Variants in SETX observed in about 807,000 individuals in gnomAD.
SETX encodes the protein senataxin, also known as helicase senataxin.
In SETX, 90 loss-of-function variants were observed where a neutral mutation model predicts 227.2. The ratio of observed to expected loss-of-function variants is 0.40; its 90% confidence interval spans 0.33 to 0.47. The LOEUF is 0.47. Ranked by LOEUF, SETX falls within the 20% of genes least tolerant of loss-of-function variation. The pLI is 0.91. For missense variants in SETX, 3,052 were observed against 3,181.5 expected, an observed-to-expected ratio of 0.96 and a Z score of 0.98; for synonymous variants, 1,210 against 1,113.2, an observed-to-expected ratio of 1.09 and a Z score of -1.73.
chr9:132,287,766 C>CAAA (rs34551713), intron 17 of SETX, among the ~76,000 whole-genome samples: 6 of 123,898 alleles, frequency 4.8e-5, no homozygotes, highest in South Asian at 2.5e-4. Context: ...ACCAAAAGGA[C>CAAA]AAAAAAAAAA....
intron 10 of SETX, among the ~76,000 whole-genome samples, chr9:132,325,015 T>A (rs1455313530): frequency 6.6e-6 from 1 of 152,178 alleles, no homozygotes; most frequent in African/African-American, 2.4e-5. Context: ...CAGAATAGGA[T>A]GTGCTGGGGT....
intron 25 of SETX, among the ~76,000 whole-genome samples, chr9:132,267,512 G>A (rs767162921): frequency 4.6e-5 from 7 of 152,162 alleles, no homozygotes; most frequent in Non-Finnish European, 4.4e-5. Context: ...TTCCCATAAG[G>A]GGAACTAGGC....
chr9:132,331,585 T>C lies in SETX; in HGVS notation c.839-137A>G, dbSNP rs1195027208. 5 of 909,914 alleles carry C rather than the reference T, an allele frequency of 5.5e-6. No homozygotes were observed. In the African/African-American group the frequency reaches 6.6e-5, roughly 12 times the overall value. 56.4% of individuals were successfully genotyped at this position (909,914 alleles called of 1,614,324 possible). A position where few individuals can be genotyped will look rare whatever the true frequency, so the allele number is the denominator to read the frequency against. On this transcript the variant is annotated intron_variant, in intron 7 of 25. Transcript: ENST00000224140. ...CCAAGGAGCAAATAATTTAAAGCAG[T>C]GCCGCCACCAGTCCTCAGACACACA...
chr9:132,327,620 A>T lies in SETX; in HGVS notation c.3978T>A (p.Thr1326=). The change falls in exon 10 of 26, where the codon ACT becomes ACA. Residue 1326 remains threonine, a synonymous_variant. Coordinates refer to ENST00000224140, the MANE Select transcript of SETX (RefSeq NM_015046.7). Reference sequence around the variant, plus strand: ...ACAGGTTCTGAGGAGAAATTAATTTAGTCTTTTTTCGGGTATCAACTACTC... The same window carrying T: ...ACAGGTTCTGAGGAGAAATTAATTTTGTCTTTTTTCGGGTATCAACTACTC... ...TVGVVDTRKK[T]KLISPQNLSV... 1.2e-6 allele frequency: 2 copies of T among 1,614,028 alleles called. No homozygotes were observed. Among genetic ancestry groups the T allele is most frequent in the Non-Finnish European group, 1.7e-6 (2 of 1,179,992 alleles).
chr9:132,289,447 A>G (rs939434765), intron 15 of SETX, among the ~76,000 whole-genome samples: 1 of 152,080 alleles, frequency 6.6e-6, no homozygotes, highest in East Asian at 1.9e-4. Flanking sequence ...GAGCCTTTGC[A>G]GCCTCTGATT....
In SETX at chr9:132,329,667, G is replaced by A. The variant is rs1564545894; in HGVS notation, c.1931C>T (p.Thr644Ile). ...DMHCLEASSP[T>I]FSKEPMKVQD... is the part of the protein sequence containing the mutation. ...CACTTTCATTGGTTCTTTAGAAAATGTTGGGCTGGAAGCTTCCAAACAATG... is the reference window on the plus strand; with the variant it reads ...CACTTTCATTGGTTCTTTAGAAAATATTGGGCTGGAAGCTTCCAAACAATG... Residue 644 changes from threonine (T) to isoleucine (I), a missense_variant, in exon 10 of 26, where the codon ACA becomes ATA. By Grantham distance (89) the Thr-to-Ile change is moderately conservative. Transcript: ENST00000224140. 1 of 1,613,680 alleles carries A rather than the reference G, an allele frequency of 6.2e-7. No individual in the cohort carries two copies. Among genetic ancestry groups the A allele is most frequent in the Admixed American group, 1.7e-5 (1 of 59,956 alleles).
chr9:132,291,386 T>C (rs568354472), intron 15 of SETX, among the ~76,000 whole-genome samples: 1 of 152,202 alleles, frequency 6.6e-6, no homozygotes, highest in African/African-American at 2.4e-5. Context: ...CAGGATGGTG[T>C]TGATCTCCTG....
In SETX at chr9:132,264,877, T is replaced by G; in HGVS notation, c.7396A>C (p.Lys2466Gln). The change falls in exon 26 of 26, where the codon AAG (lysine) becomes CAG (glutamine). Residue 2466 changes from lysine (K) to glutamine (Q), a missense_variant. Transcript: ENST00000224140. ...GTGAGACTTCTCTGCAGCACAGGCTTGAGTTTCAGAATCTTCACTGCATCA... is the reference window on the plus strand; with the variant it reads ...GTGAGACTTCTCTGCAGCACAGGCTGGAGTTTCAGAATCTTCACTGCATCA... The part of the protein sequence containing the change: ...RHDAVKILKL[K>Q]PVLQRSLTHP... The G allele has an allele frequency of 3.1e-6, 5 of 1,614,106 alleles. No individual in the cohort carries two copies. Among genetic ancestry groups the G allele is most frequent in the Non-Finnish European group, 3.4e-6 (4 of 1,179,952 alleles).
chr9:132,347,945 A>G (rs1027883685), intron 3 of SETX, among the ~76,000 whole-genome samples: 5 of 152,064 alleles, frequency 3.3e-5, no homozygotes, highest in African/African-American at 1.2e-4. Context: ...TCAAAGCCAA[A>G]TATTTAGAAT....
intron 2 of SETX, among the ~76,000 whole-genome samples, chr9:132,352,561 G>C (rs771189401): frequency 2.6e-5 from 4 of 152,136 alleles, no homozygotes; most frequent in Non-Finnish European, 5.9e-5. Flanking sequence ...GACCATCCTG[G>C]CCAACATGGT....
chr9:132,275,089 A>G, intron 23 of SETX, 167 bp downstream of exon 23: 1 of 680,366 alleles, frequency 1.5e-6, no homozygotes, highest in Non-Finnish European at 2.6e-6. Context: ...TCTACCCAGG[A>G]GCCACACAGC....
chr9:132,289,245 T>A (rs1844134635), intron 15 of SETX, among the ~76,000 whole-genome samples: 2 of 152,298 alleles, frequency 1.3e-5, no homozygotes, highest in Admixed American at 1.3e-4. Flanking sequence ...ATATGCCAGC[T>A]CCTAGTTAGG....
At chr9:132,307,061 C>G (rs545055845) in intron 11 of SETX, among the ~76,000 whole-genome samples, 37 of 152,336 alleles carry the variant, frequency 2.4e-4, no homozygotes, top group African/African-American at 8.7e-4. Context: ...TCAAGACCAG[C>G]CTGGCCAACA....
At position 132,295,895 on chromosome 9, in the gene SETX, C is replaced by T; in HGVS notation, c.6083G>A (p.Cys2028Tyr). 2 of 1,613,782 alleles carry T rather than the reference C, an allele frequency of 1.2e-6. No homozygotes were observed. The highest frequency in any genetic ancestry group is 1.6e-4 in the Middle Eastern group (1 of 6,062). ...ACCTAAAGGATTCTTCTTGTCTTTA[C>T]ATTTTTCTTTGAATTCAAGGATAAT... is the stretch of plus-strand genomic sequence containing the variant. ...KKIILEFKEKCKDKKNPLGNC... is the reference protein window; with the variant it reads ...KKIILEFKEKYKDKKNPLGNC... Residue 2028 changes from cysteine to tyrosine, a missense_variant, in exon 15 of 26, where the codon TGT becomes TAT. Physicochemically the swap from Cys to Tyr is radical, Grantham distance 194 (BLOSUM62 -2). Coordinates refer to ENST00000224140, the MANE Select transcript of SETX (RefSeq NM_015046.7).
intron 15 of SETX, among the ~76,000 whole-genome samples, chr9:132,290,770 C>G (rs13290812): frequency 2.8e-4 from 43 of 152,014 alleles, no homozygotes; most frequent in Non-Finnish European, 5.3e-4. Flanking sequence ...GTGGCCTCCC[C>G]CTGTGGTCCC....
Position 132,327,892 on chromosome 9 carries a change from C to G in SETX, c.3706G>C (p.Val1236Leu). ...TTCTTAGGGGTCTTAGAAACTGGAA[C>G]TTTCCTGATGGGTTCTGTACAAGTA... The part of the protein sequence containing the change: ...LCTCTEPIRK[V>L]PVSKTPKKTH... The change falls in exon 10 of 26, where the codon GTT becomes CTT. Residue 1236 changes from valine (V) to leucine (L), a missense_variant. Coordinates refer to ENST00000224140, the MANE Select transcript of SETX (RefSeq NM_015046.7). The G allele has an allele frequency of 1.2e-6, 2 of 1,614,168 alleles. No homozygotes were observed. Among genetic ancestry groups the G allele is most frequent in the Non-Finnish European group, 1.7e-6 (2 of 1,180,030 alleles).
In SETX at chr9:132,350,496, G is replaced by A. The variant is rs546652966; in HGVS notation, c.-7-1061C>T. 1.3e-4 allele frequency among the ~76,000 whole-genome samples: 20 copies of A among 152,202 alleles called. 1 individual carries two copies. In the South Asian group the frequency reaches 3.9e-3, roughly 30 times the overall value. ...ACAGGAAATATAAAACATCTCAACA[G>A]AAACTAGGCTTGGCTGCTGAGGCTT... On this transcript the variant is annotated intron_variant, in intron 2 of 25. Transcript: ENST00000224140.
chr9:132,345,349 C>T (rs1848223214), intron 4 of SETX, among the ~76,000 whole-genome samples: 1 of 152,246 alleles, frequency 6.6e-6, no homozygotes, highest in African/African-American at 2.4e-5. Flanking sequence ...TCTTGGTTCA[C>T]TGCAACCTCC....
upstream of SETX, among the ~76,000 whole-genome samples, chr9:132,355,154 GC>G (rs1848847286): frequency 6.6e-6 from 1 of 152,144 alleles, no homozygotes; most frequent in Non-Finnish European, 1.5e-5. Flanking sequence ...CCCACGCCGG[GC>G]GCTGGCGTCA....
Sources: allele counts gnomAD v4.1 joint callset (sites outside exome capture counted in the v4.1 genomes callset), GRCh38; gene constraint gnomAD v4.1.1; transcripts MANE v1.5; gene names NCBI Gene and HGNC (gene_info 2026-07-23, HGNC 2026-07-21).